The following ZBTB20 variants were observed in gnomAD, a reference collection of about 807,000 sequenced individuals.
ZBTB20 encodes zinc finger and BTB domain containing 20, also known as zinc finger and BTB domain-containing protein 20.
A neutral mutation model predicts 56.9 loss-of-function variants in ZBTB20; 9 were observed. The ratio of observed to expected loss-of-function variants is 0.16; its 90% CI spans 0.10 to 0.28. The LOEUF (loss-of-function observed/expected upper bound fraction) is 0.28, where lower values mean the gene tolerates loss of function less well. Ranked by LOEUF, ZBTB20 falls within the 10% of genes least tolerant of loss-of-function variation. ZBTB20 has a pLI of 1.00. For missense variants in ZBTB20, 655 were observed against 1,003.0 expected, an observed-to-expected ratio of 0.65 and a Z score of 4.69; for synonymous variants, 417 against 420.7, an observed-to-expected ratio of 0.99 and a Z score of 0.11.
At chr3:114,525,776 T>A (rs1370836030) in intron 6 of ZBTB20, among the ~76,000 whole-genome samples, 1 of 152,182 alleles carries the variant, frequency 6.6e-6, no homozygotes. Context: ...CCTCCTTAGA[T>A]AGCTTCATAG....
intron 6 of ZBTB20, among the ~76,000 whole-genome samples, chr3:114,626,744 G>A (rs2058677143): frequency 1.3e-5 from 2 of 152,118 alleles, no homozygotes; most frequent in African/African-American, 2.4e-5. Flanking sequence ...AAGAAAAGAG[G>A]AATTTTTAGA....
chr3:114,755,631 A>G (rs1210704589), intron 5 of ZBTB20, among the ~76,000 whole-genome samples: 5 of 151,788 alleles, frequency 3.3e-5, no homozygotes, highest in Admixed American at 3.3e-4. Flanking sequence ...ACACATTTTT[A>G]GCTTGCCAAC....
At chr3:114,799,830 T>C (rs2071587301) in intron 5 of ZBTB20, among the ~76,000 whole-genome samples, 1 of 151,896 alleles carries the variant, frequency 6.6e-6, no homozygotes, top group Non-Finnish European at 1.5e-5. Context: ...CCTTGCTCTG[T>C]CCGTGCATCA....
intron 6 of ZBTB20, among the ~76,000 whole-genome samples, chr3:114,684,362 T>C (rs966005411): frequency 1.3e-5 from 2 of 152,206 alleles, no homozygotes; most frequent in Non-Finnish European, 2.9e-5. Context: ...TCTGAATTCA[T>C]AGCATTAAGA....
intron 7 of ZBTB20, among the ~76,000 whole-genome samples, chr3:114,466,297 A>G (rs1461041205): frequency 2.0e-5 from 3 of 152,210 alleles, no homozygotes; most frequent in Non-Finnish European, 4.4e-5. Flanking sequence ...TGTTCTCATA[A>G]CATCTAAGGT....
rs918138241 is a variant in ZBTB20 at position 114,316,324 on chromosome 3, C to A, written c.*22681G>T. On this transcript the variant is annotated 3_prime_UTR_variant, in exon 12 of 12. Coordinates refer to ENST00000675478, the MANE Select transcript of ZBTB20 (RefSeq NM_001348800.3). ...GAACATACAGAAATGACCAAAGTCA[C>A]TGCAAGTAGCTGTTTTTATTTTTTG... is the stretch of plus-strand genomic sequence containing the variant. The A allele has an allele frequency of 1.3e-5, 5 of 397,278 alleles. No individual in the cohort carries two copies. The allele number at this position is 397,278 out of a possible 1,614,324, so 24.6% of individuals were successfully genotyped here. A position where few individuals can be genotyped will look rare whatever the true frequency, so the allele number is the denominator to read the frequency against.
intron 6 of ZBTB20, among the ~76,000 whole-genome samples, chr3:114,606,932 C>T (rs2057208562): frequency 6.6e-6 from 1 of 151,804 alleles, no homozygotes; most frequent in South Asian, 2.1e-4. Context: ...TCCGTCTTTA[C>T]TAAAAAAATA....
At chr3:115,070,584 T>C (rs2082374550) in intron 2 of ZBTB20, among the ~76,000 whole-genome samples, 1 of 152,090 alleles carries the variant, frequency 6.6e-6, no homozygotes, top group South Asian at 2.1e-4. Flanking sequence ...TCTGGAAGAA[T>C]GGATTTACCA....
rs747213174 is a variant in ZBTB20, at chr3:114,350,527, C to T, written c.1551G>A (p.Ala517=). Residue 517 remains alanine (A), a synonymous_variant, in exon 11 of 12, where the codon GCG becomes GCA. Transcript: ENST00000675478. ...YLPALFTTQP[A]GSGPKPFLFS... is the part of the protein sequence containing the mutation. ...AGAGGAAAGGCTTGGGGCCACTGCC[C>T]GCGGGCTGGGTAGTGAAGAGGGCTG... The T allele has an allele frequency of 4.0e-5, 64 of 1,613,920 alleles. No individual in the cohort carries two copies. The highest frequency in any genetic ancestry group is 8.0e-5 in the African/African-American group (6 of 74,874).
chr3:114,595,908 T>C (rs1295606734), intron 6 of ZBTB20, among the ~76,000 whole-genome samples: 1 of 152,230 alleles, frequency 6.6e-6, no homozygotes, highest in African/African-American at 2.4e-5. Flanking sequence ...TCCAATATGC[T>C]ATCATCTAGG....
intron 5 of ZBTB20, among the ~76,000 whole-genome samples, chr3:114,787,226 C>A (rs2070565703): frequency 6.6e-6 from 1 of 151,144 alleles, no homozygotes; most frequent in South Asian, 2.1e-4. Flanking sequence ...ATTCCTCCTC[C>A]CTTGGCCTCC....
chr3:114,956,870 C>A (rs558286143), intron 3 of ZBTB20, among the ~76,000 whole-genome samples: 1 of 152,172 alleles, frequency 6.6e-6, no homozygotes, highest in Admixed American at 6.5e-5. Flanking sequence ...CTCAGTGAAC[C>A]TGTTCATACT....
intron 3 of ZBTB20, among the ~76,000 whole-genome samples, chr3:114,916,958 C>T (rs2075768842): frequency 6.6e-6 from 1 of 151,956 alleles, no homozygotes; most frequent in South Asian, 2.1e-4. Flanking sequence ...TCTCTAATAC[C>T]GTCCTCAGAA....
At chr3:114,556,368 T>C (rs2051221235) in intron 6 of ZBTB20, among the ~76,000 whole-genome samples, 1 of 152,008 alleles carries the variant, frequency 6.6e-6, no homozygotes, top group Non-Finnish European at 1.5e-5. Context: ...ACTGTTTACA[T>C]CTCAGTAAAT....
chr3:114,713,604 A>G (rs2108451746), intron 5 of ZBTB20, among the ~76,000 whole-genome samples: 1 of 152,312 alleles, frequency 6.6e-6, no homozygotes, highest in African/African-American at 2.4e-5. Context: ...GGCACAGAAT[A>G]GCCATTGGAA....
chr3:114,557,466 T>A (rs1166101475), intron 6 of ZBTB20, among the ~76,000 whole-genome samples: 1 of 152,130 alleles, frequency 6.6e-6, no homozygotes, highest in Admixed American at 6.6e-5. Context: ...TCATATATAG[T>A]ACCTAATTGT....
rs145118039 is a variant in ZBTB20 at position 114,857,534 on chromosome 3, G to A, written c.-417+42770C>T. ...GAGAGGTTAAGGAATTCTTACTAGC[G>A]CCGTTATCCTATAATTCACCAAAGG... On this transcript the variant is annotated intron_variant, in intron 4 of 11. Coordinates refer to ENST00000675478, the MANE Select transcript of ZBTB20 (RefSeq NM_001348800.3). Among the ~76,000 whole-genome samples the A allele has an allele frequency of 4.8e-4, 73 of 152,246 alleles. 1 individual carries two copies. In the East Asian group the frequency reaches 9.5e-3, roughly 20 times the overall value.
At chr3:114,742,786 TA>T (rs2066714618) in intron 5 of ZBTB20, among the ~76,000 whole-genome samples, 1 of 152,156 alleles carries the variant, frequency 6.6e-6, no homozygotes. Context: ...ACTCAGACCC[TA>T]CCCCAGAACA....
intron 7 of ZBTB20, among the ~76,000 whole-genome samples, chr3:114,414,448 A>G (rs940193081): frequency 5.3e-5 from 8 of 152,092 alleles, no homozygotes; most frequent in East Asian, 1.9e-4. Context: ...CTCTAATTTA[A>G]TCTGAATGAG....
Sources: allele counts gnomAD v4.1 joint callset (sites outside exome capture counted in the v4.1 genomes callset), GRCh38; gene constraint gnomAD v4.1.1; transcripts MANE v1.5; gene names NCBI Gene and HGNC (gene_info 2026-07-23, HGNC 2026-07-21).